The following NCKAP5 variants were observed in gnomAD, a reference collection of about 807,000 sequenced individuals.
NCKAP5 encodes the protein NCK associated protein 5.
In NCKAP5, 92 loss-of-function variants were observed where a neutral mutation model predicts 167.0. That is an observed-to-expected ratio of 0.55 (90% CI 0.47 to 0.66). The LOEUF (loss-of-function observed/expected upper bound fraction) is 0.66, where lower values mean the gene tolerates loss of function less well. Ranked by LOEUF, NCKAP5 falls within the 30% of genes least tolerant of loss-of-function variation. The probability of loss-of-function intolerance (pLI) is 0.00; values close to 1 mark genes in which losing one functional copy is unlikely to be tolerated. For synonymous variants in NCKAP5, 891 were observed against 877.4 expected (o/e 1.02, Z -0.27); for missense variants, 2,378 against 2,315.0 (o/e 1.03, Z -0.56).
At chr2:133,364,811 G>A (rs1685349977) in intron 3 of NCKAP5, among the ~76,000 whole-genome samples, 1 of 151,270 alleles carries the variant, frequency 6.6e-6, no homozygotes, top group Non-Finnish European at 1.5e-5. Flanking sequence ...CTGGAGTGCT[G>A]TAGCGCCATC....
chr2:133,299,734 A>C (rs1680236456), intron 4 of NCKAP5, among the ~76,000 whole-genome samples: 1 of 152,180 alleles, frequency 6.6e-6, no homozygotes, highest in African/African-American at 2.4e-5. Context: ...CTGGGCAACA[A>C]GAGCAAATCT....
the NCKAP5 span, among the ~76,000 whole-genome samples, chr2:133,642,735 G>A: frequency 6.6e-5 from 10 of 152,318 alleles, no homozygotes; most frequent in South Asian, 2.1e-3. Context: ...ATAAAGTTGA[G>A]ATAATGTAGT....
At chr2:132,866,037 A>G (rs1274104809) in intron 10 of NCKAP5, among the ~76,000 whole-genome samples, 1 of 152,194 alleles carries the variant, frequency 6.6e-6, no homozygotes, top group Admixed American at 6.5e-5. Flanking sequence ...GGTACAAGCT[A>G]TAAAATTGTT....
chr2:132,970,307 G>A (rs2149232189), intron 7 of NCKAP5, among the ~76,000 whole-genome samples: 2 of 152,232 alleles, frequency 1.3e-5, no homozygotes, highest in South Asian at 4.2e-4. Context: ...CAGACAGAGA[G>A]GTCAAAAATG....
At position 133,247,602 on chromosome 2, in the gene NCKAP5, C is replaced by T. The variant is rs139280501; in HGVS notation, c.144-33823G>A. ...ACACAAAGTATTTATTGTGGGACAA[C>T]ATCCATGAATAGTTAAAGACCCACT... On this transcript the variant is annotated intron_variant, in intron 4 of 19. Transcript: ENST00000409261. 1.5e-4 allele frequency among the ~76,000 whole-genome samples: 23 copies of T among 152,308 alleles called. No individual in the cohort carries two copies. The East Asian group carries it at 4.4e-3, about 29-fold the overall frequency.
chr2:133,606,088 G>A, the NCKAP5 span, among the ~76,000 whole-genome samples: 1 of 152,104 alleles, frequency 6.6e-6, no homozygotes, highest in Non-Finnish European at 1.5e-5. Context: ...TCTCACCTCA[G>A]CCTTGCTAAT....
At chr2:133,014,702 T>A (rs2078272566) in intron 6 of NCKAP5, among the ~76,000 whole-genome samples, 1 of 152,188 alleles carries the variant, frequency 6.6e-6, no homozygotes, top group African/African-American at 2.4e-5. Flanking sequence ...AATTTCAGCC[T>A]TACGTTTTCA....
intron 4 of NCKAP5, among the ~76,000 whole-genome samples, chr2:133,254,921 G>C (rs2088537541): frequency 6.6e-6 from 1 of 151,936 alleles, no homozygotes; most frequent in Admixed American, 6.6e-5. Flanking sequence ...GTAAATGGAA[G>C]CAATGCAGTA....
chr2:132,847,041 T>C (rs1480881701), intron 11 of NCKAP5, among the ~76,000 whole-genome samples: 1 of 152,212 alleles, frequency 6.6e-6, no homozygotes, highest in Admixed American at 6.5e-5. Flanking sequence ...TATTGTATGC[T>C]TTCAACTGTA....
rs555943623 is a variant in NCKAP5 at position 132,709,487 on chromosome 2, A to T, written c.5713+16140T>A. Among the ~76,000 whole-genome samples, 11 of 152,190 alleles carry T rather than the reference A, an allele frequency of 7.2e-5. No individual in the cohort carries two copies. The East Asian group carries it at 2.1e-3, about 29-fold the overall frequency. ...AAAAAGAGAAATGATAAATAATATTATTAATAAAAAGGACAAATAACTACA... is the reference window on the plus strand; with the variant it reads ...AAAAAGAGAAATGATAAATAATATTTTTAATAAAAAGGACAAATAACTACA... On this transcript the variant is annotated intron_variant, in intron 19 of 19. Transcript: ENST00000409261.
intron 4 of NCKAP5, among the ~76,000 whole-genome samples, chr2:133,302,795 TAAAA>T (rs527961924): frequency 6.7e-6 from 1 of 150,362 alleles, no homozygotes; most frequent in Non-Finnish European, 1.5e-5. Flanking sequence ...AAAATAAAAA[TAAAA>T]AAAATAAATA....
At chr2:133,092,730 C>T (rs2081227790) in intron 6 of NCKAP5, among the ~76,000 whole-genome samples, 1 of 152,162 alleles carries the variant, frequency 6.6e-6, no homozygotes, top group Non-Finnish European at 1.5e-5. Context: ...GTAATACAGC[C>T]AGTAAACCAC....
At chr2:133,470,300 G>A (rs1358434468) in intron 3 of NCKAP5, among the ~76,000 whole-genome samples, 2 of 151,974 alleles carry the variant, frequency 1.3e-5, no homozygotes, top group Non-Finnish European at 2.9e-5. Context: ...CCTGCTGGGG[G>A]GTGCCTCCCA....
chr2:132,839,972 A>G (rs1688182299), intron 11 of NCKAP5, among the ~76,000 whole-genome samples: 1 of 152,168 alleles, frequency 6.6e-6, no homozygotes, highest in Admixed American at 6.5e-5. Flanking sequence ...ATTTATCTAT[A>G]CTATGACTCT....
chr2:132,697,391 C>A (rs2105204498), intron 19 of NCKAP5, among the ~76,000 whole-genome samples: 1 of 152,322 alleles, frequency 6.6e-6, no homozygotes, highest in South Asian at 2.1e-4. Context: ...CCATCCAAAT[C>A]ATCTTTGTCA....
At chr2:133,268,600 A>G (rs996924488) in intron 4 of NCKAP5, among the ~76,000 whole-genome samples, 1 of 147,938 alleles carries the variant, frequency 6.8e-6, no homozygotes, top group African/African-American at 2.5e-5. Flanking sequence ...CTCCTGCCTC[A>G]GCCTCCTGAG....
chr2:133,539,124 T>C (rs1177806654), intron 2 of NCKAP5, among the ~76,000 whole-genome samples: 1 of 151,914 alleles, frequency 6.6e-6, no homozygotes, highest in Non-Finnish European at 1.5e-5. Context: ...GTATTTTTAG[T>C]AGAGACGGGG....
intron 5 of NCKAP5, among the ~76,000 whole-genome samples, chr2:133,171,257 G>A (rs2084237499): frequency 6.6e-6 from 1 of 152,124 alleles, no homozygotes. Flanking sequence ...AGAGAAGTAG[G>A]CCATTACATG....
chr2:133,514,137 C>T (rs922616640), intron 3 of NCKAP5, among the ~76,000 whole-genome samples: 2 of 152,184 alleles, frequency 1.3e-5, no homozygotes, highest in African/African-American at 2.4e-5. Context: ...AACGTATATA[C>T]GGCTACTCCG....
Sources: allele counts gnomAD v4.1 joint callset (sites outside exome capture counted in the v4.1 genomes callset), GRCh38; gene constraint gnomAD v4.1.1; transcripts MANE v1.5; gene names NCBI Gene and HGNC (gene_info 2026-07-23, HGNC 2026-07-21).